CPED1: variants seen among roughly 807,000 people sequenced by gnomAD.
The protein encoded by CPED1 is cadherin like and PC-esterase domain containing 1, also known as cadherin-like and PC-esterase domain-containing protein 1.
In CPED1, 114 loss-of-function variants were observed where a neutral mutation model predicts 128.2. The observed-to-expected ratio is 0.89, with a 90% CI of 0.76 to 1.04. The LOEUF is 1.04. CPED1 is among the 50% of genes least tolerant of loss of function. The probability of loss-of-function intolerance (pLI) is 0.00; values close to 1 mark genes in which losing one functional copy is unlikely to be tolerated. For missense variants in CPED1, 1,211 were observed against 1,207.1 expected (o/e 1.00, Z -0.05); for synonymous variants, 462 against 426.7 (o/e 1.08, Z -1.02).
At chr7:121,164,645 A>C (rs1381213189) in intron 16 of CPED1, among the ~76,000 whole-genome samples, 1 of 151,910 alleles carries the variant, frequency 6.6e-6, no homozygotes, top group African/African-American at 2.4e-5. Context: ...GTCTTTTACT[A>C]CCCCTAAGCT....
At chr7:121,147,436 T>G (rs1042151282) in intron 16 of CPED1, among the ~76,000 whole-genome samples, 2 of 152,122 alleles carry the variant, frequency 1.3e-5, no homozygotes, top group South Asian at 2.1e-4. Flanking sequence ...AATGTTTTGC[T>G]GTTAGGAAGA....
intron 16 of CPED1, among the ~76,000 whole-genome samples, chr7:121,150,926 A>G (rs2116400270): frequency 6.6e-6 from 1 of 151,840 alleles, no homozygotes; most frequent in South Asian, 2.1e-4. Flanking sequence ...CTGCCACCAC[A>G]CCCGGCTAAT....
intron 5 of CPED1, among the ~76,000 whole-genome samples, chr7:121,071,826 T>C (rs1793998349): frequency 6.6e-6 from 1 of 152,182 alleles, no homozygotes; most frequent in South Asian, 2.1e-4. Flanking sequence ...TTTGAGTTTA[T>C]CCATGATCTC....
chr7:121,150,371 G>T (rs1205723769), intron 16 of CPED1, among the ~76,000 whole-genome samples: 4 of 151,996 alleles, frequency 2.6e-5, no homozygotes, highest in African/African-American at 9.6e-5. Context: ...TTGCTGCAAA[G>T]GACATGATTT....
At chr7:121,128,913 A>G (rs1773722557) in intron 11 of CPED1, among the ~76,000 whole-genome samples, 1 of 152,000 alleles carries the variant, frequency 6.6e-6, no homozygotes, top group South Asian at 2.1e-4. Flanking sequence ...AATATTTTAG[A>G]AGACTGCCTA....
At chr7:121,194,799 C>T (rs1258179151) in intron 16 of CPED1, 2 of 152,060 alleles carry the variant, frequency 1.3e-5, no homozygotes, top group Admixed American at 6.6e-5. Flanking sequence ...GATGTGGGCT[C>T]ACTCCATTGC....
At chr7:121,262,838 T>G (rs1792047559) in intron 18 of CPED1, among the ~76,000 whole-genome samples, 1 of 152,090 alleles carries the variant, frequency 6.6e-6, no homozygotes, top group African/African-American at 2.4e-5. Flanking sequence ...TATTTTCAAA[T>G]TGTGTGATAT....
intron 8 of CPED1, among the ~76,000 whole-genome samples, chr7:121,124,805 A>G (rs1317905880): frequency 6.6e-6 from 1 of 152,224 alleles, no homozygotes; most frequent in East Asian, 1.9e-4. Context: ...AATTTTACTT[A>G]TACATAATAA....
At chr7:121,127,942 T>A (rs1795550039) in intron 10 of CPED1, among the ~76,000 whole-genome samples, 1 of 152,206 alleles carries the variant, frequency 6.6e-6, no homozygotes, top group African/African-American at 2.4e-5. Flanking sequence ...ATAGTATACT[T>A]TAAAAGAAAT....
rs1385692810 is a variant in CPED1, at chr7:120,995,209, T to TAGAAA, written c.249+5339_249+5340insAGAAA. 1.8e-3 allele frequency among the ~76,000 whole-genome samples: 278 copies of TAGAAA among 152,330 alleles called. 2 individuals carry two copies. The highest frequency in any genetic ancestry group is 6.1e-3 in the African/African-American group (253 of 41,582). ...GTTACCTCTCCCGATTCCTTATCCT[T>TAGAAA]TGCATTTGGTCATTTCTATTGAAAC... is the stretch of plus-strand genomic sequence containing the variant. On this transcript the variant is annotated intron_variant, in intron 2 of 22. Coordinates refer to ENST00000310396, the MANE Select transcript of CPED1 (RefSeq NM_024913.5).
chr7:121,204,965 C>A (rs960894884), intron 16 of CPED1, among the ~76,000 whole-genome samples: 13 of 152,134 alleles, frequency 8.5e-5, no homozygotes, highest in South Asian at 2.1e-4. Flanking sequence ...TAGGCCACCT[C>A]CATAAAATAA....
intron 16 of CPED1, among the ~76,000 whole-genome samples, chr7:121,201,819 TC>T: frequency 6.6e-6 from 1 of 152,234 alleles, no homozygotes; most frequent in East Asian, 1.9e-4. Context: ...TGACAAATCC[TC>T]CTTTTAGAAG....
chr7:121,150,752 CATTATT>C (rs10617585), intron 16 of CPED1, among the ~76,000 whole-genome samples: 56,707 of 115,770 alleles, frequency 0.49, 11,571 homozygotes, highest in African/African-American at 0.58. Flanking sequence ...GAGTCTAAAA[CATTATT>C]ATTATTATTA....
chr7:121,077,603 A>G (rs924381308), intron 5 of CPED1, among the ~76,000 whole-genome samples: 3 of 151,774 alleles, frequency 2.0e-5, no homozygotes, highest in African/African-American at 7.3e-5. Context: ...AAATGTTCCA[A>G]CCATATTGTT....
At chr7:121,013,616 A>G (rs113039536) in intron 2 of CPED1, among the ~76,000 whole-genome samples, 2 of 152,230 alleles carry the variant, frequency 1.3e-5, no homozygotes, top group African/African-American at 4.8e-5. Flanking sequence ...TCTAATCTTC[A>G]TAGCACCTTA....
intron 5 of CPED1, among the ~76,000 whole-genome samples, chr7:121,066,211 G>A (rs1005149531): frequency 6.6e-5 from 10 of 152,072 alleles, no homozygotes; most frequent in Non-Finnish European, 1.0e-4. Flanking sequence ...AAAATGTCCT[G>A]TGTAATTTTA....
Position 121,209,191 on chromosome 7 carries a change from G to A in CPED1, c.2056-27523G>A, listed in dbSNP as rs573238225. ...GTTTTTGGCCCCTGTTGCCACATAC[G>A]AGTTTTTCACTAATGATCCATCATC... is the stretch of plus-strand genomic sequence containing the variant. On this transcript the variant is annotated intron_variant, in intron 16 of 22. Transcript: ENST00000310396. Among the ~76,000 whole-genome samples, 7 of 152,036 alleles carry A rather than the reference G, an allele frequency of 4.6e-5. No individual in the cohort carries two copies. The East Asian group carries it at 5.8e-4, about 13-fold the overall frequency.
intron 3 of CPED1, among the ~76,000 whole-genome samples, chr7:121,029,345 C>G (rs1293936122): frequency 6.6e-6 from 1 of 152,088 alleles, no homozygotes. Flanking sequence ...CCATAAGAAA[C>G]AAATCTCTTA....
rs112524147 is a variant in CPED1 at position 121,295,004 on chromosome 7, T to C, written c.2869-436T>C. 1.1e-3 allele frequency among the ~76,000 whole-genome samples: 166 copies of C among 152,262 alleles called. 1 individual carries two copies. The highest frequency in any genetic ancestry group is 3.9e-3 in the African/African-American group (160 of 41,546). ...TTTTTTCTTTTCTCTGAAAATAGTT[T>C]TAGTTGCCATTTTATAGAAGAGTGC... On this transcript the variant is annotated intron_variant, in intron 22 of 22. Coordinates refer to ENST00000310396, the MANE Select transcript of CPED1 (RefSeq NM_024913.5).
Sources: allele counts gnomAD v4.1 joint callset (sites outside exome capture counted in the v4.1 genomes callset), GRCh38; gene constraint gnomAD v4.1.1; transcripts MANE v1.5; gene names NCBI Gene and HGNC (gene_info 2026-07-23, HGNC 2026-07-21).